Variants in ELMOD1 observed in about 807,000 individuals in gnomAD.
The protein encoded by ELMOD1 is ELMO domain-containing protein 1.
In ELMOD1, 21 loss-of-function variants were observed where a neutral mutation model predicts 46.7. That is an observed-to-expected ratio of 0.45 (90% CI 0.32 to 0.65). The LOEUF is 0.65. Ranked by LOEUF, ELMOD1 falls within the 30% of genes least tolerant of loss-of-function variation. The probability of loss-of-function intolerance (pLI) is 0.04; values close to 1 mark genes in which losing one functional copy is unlikely to be tolerated. For missense variants in ELMOD1, 348 were observed against 407.8 expected (o/e 0.85, Z 1.26); for synonymous variants, 122 against 138.2 (o/e 0.88, Z 0.82).
rs1323916860 is a variant in ELMOD1, at chr11:107,629,287, TC to T, written c.18-1128del. Among the ~76,000 whole-genome samples, 4 of 152,236 alleles carry T rather than the reference TC, an allele frequency of 2.6e-5. No homozygotes were observed. In the East Asian group the frequency reaches 7.7e-4, roughly 29 times the overall value. On this transcript the variant is annotated intron_variant, in intron 2 of 11. Coordinates refer to ENST00000265840, the MANE Select transcript of ELMOD1 (RefSeq NM_018712.4). ...ATTGTAGAGGCTACTAGTTAACTAC[TC>T]CAGTATATCTGAGTGACCATGCATC...
At chr11:107,628,997 A>G (rs1866091543) in intron 2 of ELMOD1, among the ~76,000 whole-genome samples, 1 of 152,128 alleles carries the variant, frequency 6.6e-6, no homozygotes, top group South Asian at 2.1e-4. Flanking sequence ...TATCATGGAT[A>G]TTTTCATGTT....
chr11:107,643,608 C>G (rs1813647078), intron 6 of ELMOD1: 2 of 528,848 alleles, frequency 3.8e-6, no homozygotes, highest in Non-Finnish European at 7.7e-6. Flanking sequence ...GTACAAGTAT[C>G]TGGACGGCAT....
At chr11:107,639,779 C>A (rs907438830) in intron 6 of ELMOD1, among the ~76,000 whole-genome samples, 1 of 152,150 alleles carries the variant, frequency 6.6e-6, no homozygotes, top group African/African-American at 2.4e-5. Flanking sequence ...CCCTGGTCTC[C>A]TCCACTTCGC....
At chr11:107,661,221 C>T (rs1211558415) in intron 11 of ELMOD1, among the ~76,000 whole-genome samples, 1 of 152,158 alleles carries the variant, frequency 6.6e-6, no homozygotes, top group Non-Finnish European at 1.5e-5. Context: ...CCTCCTCTAC[C>T]CTTACCCAAG....
At chr11:107,646,688 TC>T (rs1452968928) in intron 6 of ELMOD1, among the ~76,000 whole-genome samples, 3 of 151,398 alleles carry the variant, frequency 2.0e-5, no homozygotes, top group African/African-American at 7.3e-5. Context: ...TGAGCCGAAA[TC>T]AGGCCACAGC....
At chr11:107,656,994 A>C (rs1042879503) in intron 11 of ELMOD1, among the ~76,000 whole-genome samples, 2 of 152,232 alleles carry the variant, frequency 1.3e-5, no homozygotes, top group East Asian at 3.8e-4. Context: ...GTGAAAACTA[A>C]GGAAGGGGAA....
At chr11:107,645,424 A>G (rs1166291134) in intron 6 of ELMOD1, among the ~76,000 whole-genome samples, 3 of 152,034 alleles carry the variant, frequency 2.0e-5, no homozygotes, top group Non-Finnish European at 4.4e-5. Flanking sequence ...CCTGGGTTCA[A>G]GCAATTCTCC....
chr11:107,616,473 G>A (rs573558517), intron 1 of ELMOD1, among the ~76,000 whole-genome samples: 4 of 151,992 alleles, frequency 2.6e-5, no homozygotes, highest in Admixed American at 1.3e-4. Context: ...TCCACCTCCC[G>A]GTTCAAGTGA....
chr11:107,631,397 A>ACCCCC (rs10539761), intron 4 of ELMOD1, among the ~76,000 whole-genome samples, 183 bp from the exon 5 acceptor site: 1 of 133,864 alleles, frequency 7.5e-6, no homozygotes, highest in African/African-American at 2.9e-5. Context: ...AAATTGCACT[A>ACCCCC]CCCCCCCCCC....
At chr11:107,658,108 T>C (rs955995214) in intron 11 of ELMOD1, among the ~76,000 whole-genome samples, 1 of 152,212 alleles carries the variant, frequency 6.6e-6, no homozygotes, top group Non-Finnish European at 1.5e-5. Context: ...AAAAAAATTT[T>C]TTAATCAAGT....
intron 1 of ELMOD1, among the ~76,000 whole-genome samples, chr11:107,613,700 A>G (rs1865816558): frequency 6.6e-6 from 1 of 152,236 alleles, no homozygotes. Context: ...ACCACTTAAC[A>G]GTACAGAATT....
intron 1 of ELMOD1, among the ~76,000 whole-genome samples, chr11:107,601,422 T>C (rs1294785330): frequency 6.8e-6 from 1 of 146,192 alleles, no homozygotes; most frequent in African/African-American, 2.5e-5. Flanking sequence ...TTTTCTTTTT[T>C]TTTTTTTTTT....
At chr11:107,625,096 C>T (rs1469413300) in intron 2 of ELMOD1, among the ~76,000 whole-genome samples, 1 of 152,184 alleles carries the variant, frequency 6.6e-6, no homozygotes, top group African/African-American at 2.4e-5. Context: ...TTCACATTTC[C>T]AGTTCATGTA....
intron 1 of ELMOD1, among the ~76,000 whole-genome samples, chr11:107,611,463 G>A (rs1865778449): frequency 6.6e-6 from 1 of 152,108 alleles, no homozygotes; most frequent in South Asian, 2.1e-4. Flanking sequence ...CACTTTGGGA[G>A]GCCGAGGTGG....
intron 1 of ELMOD1, among the ~76,000 whole-genome samples, chr11:107,614,722 A>G (rs1865832354): frequency 6.6e-6 from 1 of 152,208 alleles, no homozygotes; most frequent in South Asian, 2.1e-4. Context: ...TCTTCAGATA[A>G]GGTTCAAACT....
At chr11:107,608,507 T>G (rs1480715602) in intron 1 of ELMOD1, among the ~76,000 whole-genome samples, 1 of 152,194 alleles carries the variant, frequency 6.6e-6, no homozygotes, top group Non-Finnish European at 1.5e-5. Flanking sequence ...AGCTTGAATT[T>G]CACTGGATTT....
intron 6 of ELMOD1, among the ~76,000 whole-genome samples, chr11:107,636,079 A>T (rs1866224881): frequency 6.6e-6 from 1 of 152,242 alleles, no homozygotes; most frequent in Admixed American, 6.5e-5. Flanking sequence ...GAAAGCCAAC[A>T]GGAGAAATAG....
chr11:107,601,561 A>G (rs668308), intron 1 of ELMOD1, among the ~76,000 whole-genome samples: 20,917 of 151,002 alleles, frequency 0.14, 1,948 homozygotes, highest in African/African-American at 0.27. Context: ...GATTACAGGC[A>G]CGTGCCACCA....
intron 1 of ELMOD1, chr11:107,591,766 C>T (rs993747216): frequency 3.6e-5 from 16 of 449,598 alleles, no homozygotes; most frequent in Admixed American, 3.2e-4. Context: ...AAATGGAAGG[C>T]GGGACAAGGG....
Sources: allele counts gnomAD v4.1 joint callset (sites outside exome capture counted in the v4.1 genomes callset), GRCh38; gene constraint gnomAD v4.1.1; transcripts MANE v1.5; gene names NCBI Gene and HGNC (gene_info 2026-07-23, HGNC 2026-07-21).